The following TMEM178A variants were observed in gnomAD, a reference collection of about 807,000 sequenced individuals.
TMEM178A encodes the protein transmembrane protein 178A.
A neutral mutation model predicts 29.1 loss-of-function variants in TMEM178A; 12 were observed. The ratio of observed to expected loss-of-function variants is 0.41; its 90% CI spans 0.26 to 0.67. The LOEUF (loss-of-function observed/expected upper bound fraction) is 0.67, where lower values mean the gene tolerates loss of function less well. Ranked by LOEUF, TMEM178A falls within the 30% of genes least tolerant of loss-of-function variation. The pLI, the probability that TMEM178A is intolerant of heterozygous loss-of-function variation, is 0.29. For synonymous variants in TMEM178A, 210 were observed against 187.2 expected (o/e 1.12, Z -0.99); for missense variants, 366 against 419.1 (o/e 0.87, Z 1.11).
At position 39,717,402 on chromosome 2, in the gene TMEM178A, C is replaced by A; in HGVS notation, c.*151C>A. The A allele has an allele frequency of 8.7e-7, 1 of 1,144,742 alleles. No individual in the cohort carries two copies. The highest frequency in any genetic ancestry group is 1.2e-6 in the Non-Finnish European group (1 of 834,138). The allele number at this position is 1,144,742 out of a possible 1,614,324, so 70.9% of individuals were successfully genotyped here. A position where few individuals can be genotyped will look rare whatever the true frequency, so the allele number is the denominator to read the frequency against. ...CTGATAGAAAATCATGCAAAACCTCCCAACCTTTCTAAGGACAAGACTACT... is the reference window on the plus strand; with the variant it reads ...CTGATAGAAAATCATGCAAAACCTCACAACCTTTCTAAGGACAAGACTACT... On this transcript the variant is annotated 3_prime_UTR_variant, in exon 4 of 4. Transcript: ENST00000281961.
At position 39,713,553 on chromosome 2, in the gene TMEM178A, C is replaced by T. The variant is rs193213788; in HGVS notation, c.653-3457C>T. Reference sequence around the variant, plus strand: ...TTATAAGGAGATTTGGTCATGGTGACAGAGGAGAGACTATGTGAAGACACA... The same window carrying T: ...TTATAAGGAGATTTGGTCATGGTGATAGAGGAGAGACTATGTGAAGACACA... On this transcript the variant is annotated intron_variant, in intron 3 of 3. Transcript: ENST00000281961. Among the ~76,000 whole-genome samples the T allele has an allele frequency of 9.2e-5, 14 of 152,264 alleles. No homozygotes were observed. In the East Asian group the frequency reaches 2.7e-3, roughly 29 times the overall value.
the TMEM178A span, among the ~76,000 whole-genome samples, chr2:39,723,500 C>T: frequency 6.6e-6 from 1 of 152,160 alleles, no homozygotes; most frequent in Admixed American, 6.5e-5. Flanking sequence ...ACTTTTAGGT[C>T]TCCTTCATTC....
chr2:39,728,400 C>G, the TMEM178A span, among the ~76,000 whole-genome samples: 1 of 152,092 alleles, frequency 6.6e-6, no homozygotes, highest in African/African-American at 2.4e-5. Context: ...TCACTGTTCT[C>G]AGATCTACAG....
At chr2:39,688,835 C>T (rs1572666047) in intron 1 of TMEM178A, among the ~76,000 whole-genome samples, 1 of 152,128 alleles carries the variant, frequency 6.6e-6, no homozygotes, top group Non-Finnish European at 1.5e-5. Flanking sequence ...TTTGTAGATC[C>T]TGAAGTCCAG....
At chr2:39,678,271 A>G (rs1420980002) in intron 1 of TMEM178A, among the ~76,000 whole-genome samples, 2 of 152,210 alleles carry the variant, frequency 1.3e-5, no homozygotes, top group African/African-American at 4.8e-5. Flanking sequence ...AGACAAAAAC[A>G]CTGTACATAA....
intron 1 of TMEM178A, among the ~76,000 whole-genome samples, chr2:39,699,964 T>C (rs1483267159): frequency 6.6e-6 from 1 of 152,248 alleles, no homozygotes; most frequent in Non-Finnish European, 1.5e-5. Flanking sequence ...CTAAATTTTA[T>C]TTTCTTATTT....
At chr2:39,692,627 A>G (rs781764654) in intron 1 of TMEM178A, among the ~76,000 whole-genome samples, 20 of 152,146 alleles carry the variant, frequency 1.3e-4, no homozygotes, top group Admixed American at 3.3e-4. Context: ...TGTCCTGCCT[A>G]TAAAGGGGGA....
chr2:39,693,192 G>A (rs1251843250), intron 1 of TMEM178A, among the ~76,000 whole-genome samples: 3 of 152,162 alleles, frequency 2.0e-5, no homozygotes, highest in Admixed American at 1.3e-4. Flanking sequence ...AGAAAGCTGA[G>A]GTTTGCTTCC....
intron 1 of TMEM178A, among the ~76,000 whole-genome samples, chr2:39,691,284 G>C (rs1428349370): frequency 1.3e-5 from 2 of 152,098 alleles, no homozygotes; most frequent in Non-Finnish European, 2.9e-5. Flanking sequence ...TATAACTGTT[G>C]AAAGTCAAAG....
chr2:39,722,818 G>A (rs1672728796), downstream of TMEM178A, among the ~76,000 whole-genome samples: 2 of 152,306 alleles, frequency 1.3e-5, no homozygotes, highest in African/African-American at 4.8e-5. Context: ...TGCTTATCCT[G>A]GTTGGCCCAG....
At chr2:39,688,146 T>C (rs1671160034) in intron 1 of TMEM178A, among the ~76,000 whole-genome samples, 1 of 152,278 alleles carries the variant, frequency 6.6e-6, no homozygotes, top group Admixed American at 6.5e-5. Context: ...TATGCCTTGT[T>C]TTCCTTATTT....
intron 1 of TMEM178A, among the ~76,000 whole-genome samples, chr2:39,673,186 C>T (rs2540255): frequency 0.42 from 64,365 of 151,922 alleles, 14,225 homozygotes; most frequent in East Asian, 0.75. Context: ...TGAGAGAGTC[C>T]GCCTTGGCCG....
Position 39,665,995 on chromosome 2 carries a change from C to A in TMEM178A, c.21C>A (p.Val7=). The A allele has an allele frequency of 7.0e-7, 1 of 1,436,970 alleles. No individual in the cohort carries two copies. The highest frequency in any genetic ancestry group is 1.5e-5 in the South Asian group (1 of 64,568). 89.0% of individuals were successfully genotyped at this position (1,436,970 alleles called of 1,614,324 possible). A position where few individuals can be genotyped will look rare whatever the true frequency, so the allele number is the denominator to read the frequency against. ...AAGCCATGGAGCCGCGGGCGCTCGT[C>A]ACGGCGCTCAGCCTCGGCCTCAGCC... The part of the protein sequence containing the change: MEPRAL[V]TALSLGLSLC... Residue 7 remains valine, a synonymous_variant, in exon 1 of 4, where the codon GTC becomes GTA. Coordinates refer to ENST00000281961, the MANE Select transcript of TMEM178A (RefSeq NM_152390.3).
chr2:39,713,332 A>C (rs1027609115), intron 3 of TMEM178A, among the ~76,000 whole-genome samples: 1 of 152,216 alleles, frequency 6.6e-6, no homozygotes, highest in Non-Finnish European at 1.5e-5. Flanking sequence ...AAAAGCTAAA[A>C]ATATATTTCA....
At chr2:39,727,309 T>C in the TMEM178A span, among the ~76,000 whole-genome samples, 1 of 152,144 alleles carries the variant, frequency 6.6e-6, no homozygotes, top group Non-Finnish European at 1.5e-5. Context: ...GGTAGCTAAG[T>C]AAATAAAGAA....
At chr2:39,722,589 T>C (rs1306358246), downstream of TMEM178A, among the ~76,000 whole-genome samples, 9 of 152,296 alleles carry the variant, frequency 5.9e-5, no homozygotes, top group African/African-American at 2.2e-4. Context: ...TGGGAAGATT[T>C]CAGTCCAGGC....
At chr2:39,684,061 G>T (rs1030268471) in intron 1 of TMEM178A, among the ~76,000 whole-genome samples, 1 of 152,158 alleles carries the variant, frequency 6.6e-6, no homozygotes, top group African/African-American at 2.4e-5. Flanking sequence ...AAGAGTGCAT[G>T]CATCTACCTA....
At chr2:39,668,231 T>C (rs1370142031) in intron 1 of TMEM178A, among the ~76,000 whole-genome samples, 1 of 152,222 alleles carries the variant, frequency 6.6e-6, no homozygotes, top group East Asian at 1.9e-4. Context: ...CTACTGGTTG[T>C]TCAAATTCCC....
chr2:39,720,667 C>T (rs1672685580), downstream of TMEM178A, among the ~76,000 whole-genome samples: 1 of 152,172 alleles, frequency 6.6e-6, no homozygotes, highest in Non-Finnish European at 1.5e-5. Flanking sequence ...GGTGCTCAGC[C>T]CACCCAGTGC....
Sources: gnomAD v4.1 joint callset for allele counts (sites outside exome capture counted in the v4.1 genomes callset) on GRCh38, gnomAD v4.1.1 for gene constraint, MANE v1.5 for transcripts, NCBI Gene and HGNC (gene_info 2026-07-23, HGNC 2026-07-21) for gene names.